Variants in ZMYM2 observed in about 807,000 individuals in gnomAD.
The protein encoded by ZMYM2 is zinc finger MYM-type protein 2.
A neutral mutation model predicts 162.8 loss-of-function variants in ZMYM2; 56 were observed. The observed-to-expected ratio is 0.34, with a 90% CI of 0.28 to 0.43. The LOEUF (loss-of-function observed/expected upper bound fraction) is 0.43. Ranked by LOEUF, ZMYM2 falls within the 20% of genes least tolerant of loss-of-function variation. ZMYM2 has a pLI of 1.00. For synonymous variants in ZMYM2, 510 were observed against 541.6 expected, an observed-to-expected ratio of 0.94 and a Z score of 0.81; for missense variants, 1,275 against 1,621.8, an observed-to-expected ratio of 0.79 and a Z score of 3.67.
chr13:19,904,346 C>T, the ZMYM2 span, among the ~76,000 whole-genome samples: 1 of 151,898 alleles, frequency 6.6e-6, no homozygotes, highest in East Asian at 1.9e-4. Context: ...CACATGAGGT[C>T]CGGAGTTCGC....
At chr13:19,940,210 A>G in the ZMYM2 span, among the ~76,000 whole-genome samples, 1 of 152,220 alleles carries the variant, frequency 6.6e-6, no homozygotes, top group Middle Eastern at 3.2e-3. Context: ...ATGAAAAGAA[A>G]GTGGTAGAAT....
intron 12 of ZMYM2, among the ~76,000 whole-genome samples, chr13:20,040,881 G>A (rs1424758121): frequency 6.6e-6 from 1 of 152,172 alleles, no homozygotes; most frequent in Non-Finnish European, 1.5e-5. Flanking sequence ...GTTCAGAACA[G>A]GTTATTCAAT....
At chr13:19,969,707 A>T (rs2139241246) in intron 2 of ZMYM2, among the ~76,000 whole-genome samples, 1 of 152,306 alleles carries the variant, frequency 6.6e-6, no homozygotes, top group South Asian at 2.1e-4. Context: ...TAGATAATTT[A>T]AAAAATAAAA....
chr13:20,049,907 T>G (rs1316901742), intron 12 of ZMYM2, among the ~76,000 whole-genome samples: 1 of 152,006 alleles, frequency 6.6e-6, no homozygotes, highest in Non-Finnish European at 1.5e-5. Context: ...TTGTCTTTTC[T>G]TTGAGCATAA....
chr13:19,923,527 CT>C, the ZMYM2 span, among the ~76,000 whole-genome samples: 50,234 of 147,012 alleles, frequency 0.34, 9,637 homozygotes, highest in East Asian at 0.56. Context: ...TGTTTGGGGT[CT>C]TTTTTTTTTT....
intron 2 of ZMYM2, among the ~76,000 whole-genome samples, chr13:19,968,345 C>T (rs1327093260): frequency 6.6e-6 from 1 of 152,068 alleles, no homozygotes; most frequent in Non-Finnish European, 1.5e-5. Flanking sequence ...CGGGTTCAAG[C>T]GATTCTCCTG....
At chr13:19,953,236 T>C in the ZMYM2 span, among the ~76,000 whole-genome samples, 1 of 152,180 alleles carries the variant, frequency 6.6e-6, no homozygotes, top group Non-Finnish European at 1.5e-5. Flanking sequence ...AGCTAACAAG[T>C]AGTGGAATTA....
rs1011243439 is a variant in ZMYM2, at chr13:20,018,842, G to A, written c.1513-705G>A. ...CGACTGTAATCGCAGCACTTTGGGA[G>A]GCCCAGGTGGGCCGATCACTTGAGG... On this transcript the variant is annotated intron_variant, in intron 6 of 24. Coordinates refer to ENST00000610343, the MANE Select transcript of ZMYM2 (RefSeq NM_197968.4). Among the ~76,000 whole-genome samples, 7 of 152,246 alleles carry A rather than the reference G, an allele frequency of 4.6e-5. No individual in the cohort carries two copies. The East Asian group carries it at 1.3e-3, about 29-fold the overall frequency.
upstream of ZMYM2, among the ~76,000 whole-genome samples, chr13:19,955,407 G>A (rs776616473): frequency 6.6e-6 from 1 of 151,988 alleles, no homozygotes; most frequent in South Asian, 2.1e-4. Context: ...ATGATGAAAC[G>A]ATCAGAGGCT....
chr13:19,902,671 C>T, the ZMYM2 span, among the ~76,000 whole-genome samples: 2 of 151,976 alleles, frequency 1.3e-5, no homozygotes, highest in Admixed American at 6.6e-5. Flanking sequence ...GAATTATACA[C>T]TTAAAATGGT....
At chr13:19,924,408 A>G in the ZMYM2 span, among the ~76,000 whole-genome samples, 2 of 152,128 alleles carry the variant, frequency 1.3e-5, no homozygotes, top group Non-Finnish European at 2.9e-5. Flanking sequence ...TTACAAAAAA[A>G]AATCTAAAAA....
intron 2 of ZMYM2, among the ~76,000 whole-genome samples, chr13:19,977,779 C>T (rs1278617324): frequency 2.7e-5 from 4 of 150,466 alleles, no homozygotes; most frequent in Non-Finnish European, 5.9e-5. Context: ...CATGAGCCAC[C>T]GCGCCCAGCC....
chr13:20,015,867 C>A (rs1951580542), intron 6 of ZMYM2, among the ~76,000 whole-genome samples: 1 of 151,830 alleles, frequency 6.6e-6, no homozygotes, highest in Non-Finnish European at 1.5e-5. Context: ...CTGTTTGTAT[C>A]TTTGGATAAA....
intron 12 of ZMYM2, among the ~76,000 whole-genome samples, chr13:20,042,489 C>T (rs1025800144): frequency 2.0e-5 from 3 of 152,078 alleles, no homozygotes; most frequent in African/African-American, 7.2e-5. Context: ...TTTCAGTGTG[C>T]TCCTGCTTCT....
At chr13:19,966,764 A>G (rs1220571413) in intron 2 of ZMYM2, among the ~76,000 whole-genome samples, 1 of 152,172 alleles carries the variant, frequency 6.6e-6, no homozygotes, top group African/African-American at 2.4e-5. Flanking sequence ...ACCTAAAGAA[A>G]AATTTGCACT....
chr13:19,915,763 C>G, the ZMYM2 span, among the ~76,000 whole-genome samples: 2 of 152,172 alleles, frequency 1.3e-5, no homozygotes, highest in African/African-American at 2.4e-5. Flanking sequence ...CTCGCCCTCC[C>G]AAAGTGCTAG....
At chr13:19,936,934 A>G in the ZMYM2 span, among the ~76,000 whole-genome samples, 4 of 152,220 alleles carry the variant, frequency 2.6e-5, no homozygotes, top group East Asian at 7.7e-4. Flanking sequence ...ATACTAGATT[A>G]CAAGTGAACT....
intron 2 of ZMYM2, among the ~76,000 whole-genome samples, chr13:19,975,034 A>C (rs766800971): frequency 1.7e-4 from 22 of 127,544 alleles, no homozygotes; most frequent in Admixed American, 4.4e-4. Flanking sequence ...ATTTTTTGTC[A>C]TTTATTCTAT....
chr13:20,080,041 C>A (rs1334269312), intron 21 of ZMYM2, among the ~76,000 whole-genome samples: 2 of 152,128 alleles, frequency 1.3e-5, no homozygotes, highest in African/African-American at 4.8e-5. Flanking sequence ...TTTATAGTCC[C>A]GTTAAATAGC....
Sources: gnomAD v4.1 joint callset for allele counts (sites outside exome capture counted in the v4.1 genomes callset) on GRCh38, gnomAD v4.1.1 for gene constraint, MANE v1.5 for transcripts, NCBI Gene and HGNC (gene_info 2026-07-23, HGNC 2026-07-21) for gene names.